The following LHFPL3 variants were observed in gnomAD, a reference collection of about 807,000 sequenced individuals.
The protein encoded by LHFPL3 is LHFPL tetraspan subfamily member 3.
Under a neutral mutation model 19.3 loss-of-function variants are expected in LHFPL3, and 5 were observed. The ratio of observed to expected loss-of-function variants is 0.26; its 90% CI spans 0.14 to 0.54. The LOEUF is 0.54. LHFPL3 is among the 20% of genes least tolerant of loss of function. The pLI is 0.94. For missense variants in LHFPL3, 249 were observed against 307.4 expected, an observed-to-expected ratio of 0.81 and a Z score of 1.42; for synonymous variants, 133 against 126.2, an observed-to-expected ratio of 1.05 and a Z score of -0.36.
intron 1 of LHFPL3, among the ~76,000 whole-genome samples, chr7:104,441,737 G>A (rs1055673372): frequency 1.3e-5 from 2 of 151,998 alleles, no homozygotes; most frequent in Admixed American, 1.3e-4. Flanking sequence ...CACCATGCTC[G>A]GCTAATTTTT....
At chr7:104,462,550 C>T (rs538820907) in intron 1 of LHFPL3, among the ~76,000 whole-genome samples, 6 of 152,198 alleles carry the variant, frequency 3.9e-5, no homozygotes, top group South Asian at 2.1e-4. Flanking sequence ...TATTGATTTG[C>T]GTTATGTTGA....
chr7:104,609,541 A>T (rs1319707583), intron 1 of LHFPL3, among the ~76,000 whole-genome samples: 1 of 152,220 alleles, frequency 6.6e-6, no homozygotes. Context: ...AGAGAGGCAA[A>T]GAATCACCAG....
chr7:104,831,206 T>C (rs1001551777), intron 2 of LHFPL3, among the ~76,000 whole-genome samples: 1 of 126,790 alleles, frequency 7.9e-6, no homozygotes, highest in South Asian at 2.9e-4. Context: ...TAGTATATCG[T>C]CAAGCTGCAC....
chr7:104,458,618 T>C (rs945779258), intron 1 of LHFPL3, among the ~76,000 whole-genome samples: 1 of 152,060 alleles, frequency 6.6e-6, no homozygotes, highest in African/African-American at 2.4e-5. Context: ...TGGTTCCATA[T>C]GAACTTTAAA....
At chr7:104,554,510 G>A (rs904280522) in intron 1 of LHFPL3, among the ~76,000 whole-genome samples, 7 of 152,072 alleles carry the variant, frequency 4.6e-5, no homozygotes, top group Non-Finnish European at 7.3e-5. Context: ...TAGACTAAAT[G>A]TGTGAGTCCC....
chr7:104,506,466 ATTTGTC>A (rs1793700370), intron 1 of LHFPL3, among the ~76,000 whole-genome samples: 1 of 152,010 alleles, frequency 6.6e-6, no homozygotes, highest in Non-Finnish European at 1.5e-5. Flanking sequence ...ATGTTCACTT[ATTTGTC>A]TCTGCCACTA....
intron 1 of LHFPL3, among the ~76,000 whole-genome samples, chr7:104,352,921 C>T (rs7787988): frequency 0.57 from 87,141 of 151,984 alleles, 26,470 homozygotes; most frequent in East Asian, 0.88. Context: ...TAGAAAAACT[C>T]GAAAGTTGGC....
At chr7:104,787,499 T>C (rs1001939648) in intron 2 of LHFPL3, among the ~76,000 whole-genome samples, 13 of 152,206 alleles carry the variant, frequency 8.5e-5, no homozygotes, top group Non-Finnish European at 5.9e-5. Context: ...CCTGCTTCCA[T>C]AGATGGCATT....
chr7:104,727,253 A>G (rs777120646), intron 1 of LHFPL3, among the ~76,000 whole-genome samples: 70 of 152,300 alleles, frequency 4.6e-4, no homozygotes, highest in Middle Eastern at 6.8e-3. Context: ...ATAGATTGCA[A>G]AACTTTTCTC....
intron 2 of LHFPL3, among the ~76,000 whole-genome samples, chr7:104,854,508 A>T (rs192152995): frequency 9.2e-5 from 14 of 152,188 alleles, no homozygotes; most frequent in Non-Finnish European, 1.9e-4. Context: ...AGGATGGCAT[A>T]CTCTAGCTGG....
At chr7:104,604,483 T>A (rs913401901) in intron 1 of LHFPL3, among the ~76,000 whole-genome samples, 4 of 152,346 alleles carry the variant, frequency 2.6e-5, no homozygotes, top group African/African-American at 9.6e-5. Flanking sequence ...TCTGCTCATC[T>A]CCTTAGCGGA....
At chr7:104,749,853 G>A (rs1458198173) in intron 2 of LHFPL3, among the ~76,000 whole-genome samples, 3 of 152,186 alleles carry the variant, frequency 2.0e-5, no homozygotes, top group South Asian at 2.1e-4. Flanking sequence ...GGTTTAGGAG[G>A]CTCTACAGTG....
chr7:104,591,717 G>C (rs955061970), intron 1 of LHFPL3, among the ~76,000 whole-genome samples: 1 of 152,150 alleles, frequency 6.6e-6, no homozygotes, highest in African/African-American at 2.4e-5. Flanking sequence ...TGTTTTCCAA[G>C]TTGGTTCCAT....
intron 2 of LHFPL3, among the ~76,000 whole-genome samples, chr7:104,860,221 G>A (rs1168999024): frequency 2.0e-5 from 3 of 150,090 alleles, no homozygotes; most frequent in East Asian, 3.9e-4. Flanking sequence ...TACCTCAAAT[G>A]GCCTTTTTCT....
At chr7:104,591,073 C>T (rs184901486) in intron 1 of LHFPL3, among the ~76,000 whole-genome samples, 14 of 152,228 alleles carry the variant, frequency 9.2e-5, no homozygotes, top group African/African-American at 3.4e-4. Flanking sequence ...ATCCAATTTG[C>T]CAGTCTGTGT....
chr7:104,813,919 C>T (rs1045274430), intron 2 of LHFPL3, among the ~76,000 whole-genome samples: 7 of 152,312 alleles, frequency 4.6e-5, no homozygotes, highest in Middle Eastern at 3.4e-3. Flanking sequence ...TCTCTTCACC[C>T]GCAACATAGG....
intron 2 of LHFPL3, among the ~76,000 whole-genome samples, chr7:104,837,084 C>T (rs550854302): frequency 1.3e-5 from 2 of 152,316 alleles, no homozygotes; most frequent in Admixed American, 6.5e-5. Context: ...GATCTGGCTT[C>T]ATATCTGCCA....
At chr7:104,474,526 G>T (rs938932203) in intron 1 of LHFPL3, among the ~76,000 whole-genome samples, 23 of 151,852 alleles carry the variant, frequency 1.5e-4, no homozygotes, top group Non-Finnish European at 7.4e-5. Flanking sequence ...AATTAGCCGG[G>T]CATGGTGGCA....
At chr7:104,530,200 C>G (rs568760585) in intron 1 of LHFPL3, among the ~76,000 whole-genome samples, 3 of 152,276 alleles carry the variant, frequency 2.0e-5, no homozygotes, top group Non-Finnish European at 4.4e-5. Context: ...ATCCTTAATT[C>G]TAGATTGAAA....
Sources: gnomAD v4.1 joint callset for allele counts (sites outside exome capture counted in the v4.1 genomes callset) on GRCh38, gnomAD v4.1.1 for gene constraint, MANE v1.5 for transcripts, NCBI Gene and HGNC (gene_info 2026-07-23, HGNC 2026-07-21) for gene names.